The following LRFN2 variants were observed in gnomAD, a reference collection of about 807,000 sequenced individuals.
LRFN2 encodes the protein leucine-rich repeat and fibronectin type-III domain-containing protein 2.
A neutral mutation model predicts 37.3 loss-of-function variants in LRFN2; 18 were observed. That is an observed-to-expected ratio of 0.48 (90% CI 0.33 to 0.72). The LOEUF is 0.72. Among genes scored for constraint, LRFN2 ranks in the 30% least tolerant of loss-of-function variants. The pLI, the probability that LRFN2 is intolerant of heterozygous loss-of-function variation, is 0.02. For synonymous variants in LRFN2, 556 were observed against 466.6 expected (o/e 1.19, Z -2.47); for missense variants, 1,006 against 1,060.7 (o/e 0.95, Z 0.72).
intron 1 of LRFN2, among the ~76,000 whole-genome samples, chr6:40,464,273 G>T (rs1184727309): frequency 1.3e-5 from 2 of 152,180 alleles, no homozygotes; most frequent in African/African-American, 4.8e-5. Context: ...TGAATCAATA[G>T]ATTAATTAAT....
chr6:40,452,792 G>C (rs1764141968), intron 1 of LRFN2, among the ~76,000 whole-genome samples: 2 of 151,922 alleles, frequency 1.3e-5, no homozygotes, highest in Non-Finnish European at 2.9e-5. Context: ...ACAGAGAGGA[G>C]GTCACACAAA....
chr6:40,434,685 C>T (rs1174933418), intron 1 of LRFN2, among the ~76,000 whole-genome samples: 2 of 151,786 alleles, frequency 1.3e-5, no homozygotes, highest in South Asian at 2.1e-4. Flanking sequence ...ACCATGTTGG[C>T]TGGGCTGTTC....
At chr6:40,507,757 C>A (rs80082279) in intron 1 of LRFN2, among the ~76,000 whole-genome samples, 1 of 152,302 alleles carries the variant, frequency 6.6e-6, no homozygotes, top group African/African-American at 2.4e-5. Flanking sequence ...TTGATCATGC[C>A]TCTTGTAGAT....
intron 1 of LRFN2, among the ~76,000 whole-genome samples, chr6:40,448,002 A>C (rs1404112952): frequency 1.3e-5 from 2 of 152,216 alleles, no homozygotes; most frequent in East Asian, 3.8e-4. Flanking sequence ...AAGAATGGGG[A>C]GCATGCCCTG....
Position 40,424,912 on chromosome 6 carries a change from C to T in LRFN2, c.1400+6802G>A, listed in dbSNP as rs1402252498. 5.3e-5 allele frequency among the ~76,000 whole-genome samples: 8 copies of T among 152,228 alleles called. No homozygotes were observed. In the East Asian group the frequency reaches 1.3e-3, roughly 26 times the overall value. ...GATCCTGAGATGTCGATTTCATTAG[C>T]AAATTTTTCTCCACCCCACAGTAGA... is the stretch of plus-strand genomic sequence containing the variant. On this transcript the variant is annotated intron_variant, in intron 2 of 2. Coordinates refer to ENST00000338305, the MANE Select transcript of LRFN2 (RefSeq NM_020737.3).
chr6:40,556,529 A>C (rs1766883480), intron 1 of LRFN2, among the ~76,000 whole-genome samples: 1 of 152,070 alleles, frequency 6.6e-6, no homozygotes, highest in African/African-American at 2.4e-5. Context: ...TCTGCAGAAG[A>C]CTTTGCCATT....
At chr6:40,446,827 T>C (rs949257831) in intron 1 of LRFN2, among the ~76,000 whole-genome samples, 7 of 152,230 alleles carry the variant, frequency 4.6e-5, no homozygotes, top group Non-Finnish European at 8.8e-5. Flanking sequence ...GTGGGAGCTG[T>C]GTCCCCCCTC....
chr6:40,532,493 T>A (rs1766364195), intron 1 of LRFN2, among the ~76,000 whole-genome samples: 1 of 152,182 alleles, frequency 6.6e-6, no homozygotes, highest in African/African-American at 2.4e-5. Context: ...CTCAGAGAAG[T>A]TAAGTCACCA....
At chr6:40,422,321 T>A (rs1763247465) in intron 2 of LRFN2, among the ~76,000 whole-genome samples, 1 of 152,198 alleles carries the variant, frequency 6.6e-6, no homozygotes, top group South Asian at 2.1e-4. Context: ...AGAAACTCTG[T>A]CTACCAGTGC....
intron 1 of LRFN2, among the ~76,000 whole-genome samples, chr6:40,450,182 C>T (rs1764072384): frequency 6.6e-6 from 1 of 152,328 alleles, no homozygotes; most frequent in East Asian, 1.9e-4. Context: ...CTTACCCCAC[C>T]ACTGACTTTG....
At chr6:40,544,914 G>T (rs1386307748) in intron 1 of LRFN2, among the ~76,000 whole-genome samples, 1 of 152,218 alleles carries the variant, frequency 6.6e-6, no homozygotes, top group African/African-American at 2.4e-5. Flanking sequence ...CAGCTGTGAT[G>T]ATTAGGATAA....
intron 1 of LRFN2, among the ~76,000 whole-genome samples, chr6:40,457,174 C>T (rs1764251542): frequency 2.6e-5 from 4 of 151,830 alleles, no homozygotes; most frequent in Admixed American, 2.0e-4. Context: ...AAATGGATAA[C>T]AATGGCTTAC....
At chr6:40,529,887 A>G (rs1428968003) in intron 1 of LRFN2, among the ~76,000 whole-genome samples, 1 of 152,230 alleles carries the variant, frequency 6.6e-6, no homozygotes, top group Non-Finnish European at 1.5e-5. Context: ...AGGAGCTATT[A>G]TTATTATGCT....
At chr6:40,546,183 C>T (rs1023383820) in intron 1 of LRFN2, among the ~76,000 whole-genome samples, 3 of 152,084 alleles carry the variant, frequency 2.0e-5, no homozygotes, top group Non-Finnish European at 2.9e-5. Flanking sequence ...GCACAGTCAG[C>T]GGGTGATTGG....
At chr6:40,583,936 A>C (rs1176677237) in intron 1 of LRFN2, among the ~76,000 whole-genome samples, 1 of 152,182 alleles carries the variant, frequency 6.6e-6, no homozygotes, top group African/African-American at 2.4e-5. Context: ...GTGGCTGGTG[A>C]TACTTGTAAA....
At chr6:40,493,217 C>T (rs1338695294) in intron 1 of LRFN2, among the ~76,000 whole-genome samples, 1 of 148,688 alleles carries the variant, frequency 6.7e-6, no homozygotes, top group African/African-American at 2.6e-5. Flanking sequence ...CTATAGATGC[C>T]CCCTGCCCTT....
At chr6:40,508,363 T>C (rs145028603) in intron 1 of LRFN2, among the ~76,000 whole-genome samples, 2,879 of 152,300 alleles carry the variant, frequency 0.019, 29 homozygotes, top group Non-Finnish European at 0.024. Context: ...TGTAGCTGCA[T>C]CACTCTCCCT....
rs765243213 is a variant in LRFN2, at chr6:40,432,147, C to T, written c.967G>A (p.Val323Ile). The change falls in exon 2 of 3, where the codon GTA becomes ATA. Residue 323 changes from valine (V) to isoleucine (I), a missense_variant. Physicochemically the swap from Val to Ile is conservative, Grantham distance 29. This residue lies in a region of LRFN2 where 303 missense variants were observed against 299.8 expected (regional missense o/e 1.01). Coordinates refer to ENST00000338305, the MANE Select transcript of LRFN2 (RefSeq NM_020737.3). ...CCTACCAGGCGGTCATCGGGGGCTA[C>T]CCAGTGGATAAGGGGGCTGGGGTCC... ...IGDPSPLIHW[V>I]APDDRLVGNS... 9 of 1,613,756 alleles carry T rather than the reference C, an allele frequency of 5.6e-6. No individual in the cohort carries two copies. In the Admixed American group the frequency reaches 6.7e-5, roughly 12 times the overall value.
Position 40,391,667 on chromosome 6 carries a change from A to C in LRFN2, c.*276T>G. ...ATCCAAAGCCGCTTGCTTGTAGGCT[A>C]CATTTGTGATTAGAAAGGCGGAGTC... On this transcript the variant is annotated 3_prime_UTR_variant, in exon 3 of 3. Coordinates refer to ENST00000338305, the MANE Select transcript of LRFN2 (RefSeq NM_020737.3). 2.9e-6 allele frequency: 1 copy of C among 348,982 alleles called. No homozygotes were observed. The allele number at this position is 348,982 out of a possible 1,614,324, so 21.6% of individuals were successfully genotyped here.
Sources: allele counts gnomAD v4.1 joint callset (sites outside exome capture counted in the v4.1 genomes callset), GRCh38; gene constraint gnomAD v4.1.1; regional missense constraint gnomAD v4.1.1; transcripts MANE v1.5; gene names NCBI Gene and HGNC (gene_info 2026-07-23, HGNC 2026-07-21).